Variants in ERC1 observed in about 807,000 individuals in gnomAD.
ERC1 encodes RAB6 interacting protein 2.
A neutral mutation model predicts 132.0 loss-of-function variants in ERC1; 56 were observed. The observed-to-expected ratio is 0.42, with a 90% CI of 0.34 to 0.53. ERC1 has a LOEUF of 0.53. Ranked by LOEUF, ERC1 falls within the 20% of genes least tolerant of loss-of-function variation. The pLI, the probability that ERC1 is intolerant of heterozygous loss-of-function variation, is 0.03. For missense variants in ERC1, 1,202 were observed against 1,349.9 expected, an observed-to-expected ratio of 0.89 and a Z score of 1.72; for synonymous variants, 478 against 476.1, an observed-to-expected ratio of 1.00 and a Z score of -0.05.
intron 12 of ERC1, among the ~76,000 whole-genome samples, chr12:1,196,846 C>G (rs1956305364): frequency 8.0e-6 from 1 of 125,006 alleles, no homozygotes; most frequent in Non-Finnish European, 1.7e-5. Flanking sequence ...GTCTCTCTGT[C>G]TGTCTCTCTC....
At chr12:1,433,372 C>T (rs564864692) in intron 17 of ERC1, among the ~76,000 whole-genome samples, 6 of 152,160 alleles carry the variant, frequency 3.9e-5, no homozygotes, top group East Asian at 1.9e-4. Flanking sequence ...GCTCTATGCA[C>T]GTGTATGTTT....
At chr12:1,354,563 C>T (rs1243000488) in intron 15 of ERC1, among the ~76,000 whole-genome samples, 1 of 151,952 alleles carries the variant, frequency 6.6e-6, no homozygotes, top group African/African-American at 2.4e-5. Context: ...AGTAGAATAT[C>T]TGGCTCTATA....
At chr12:1,115,302 T>G (rs549382691) in intron 6 of ERC1, among the ~76,000 whole-genome samples, 1 of 152,364 alleles carries the variant, frequency 6.6e-6, no homozygotes, top group African/African-American at 2.4e-5. Context: ...CAAAACCATG[T>G]TATGTATAAC....
chr12:1,394,417 A>G (rs1315988550), intron 16 of ERC1, among the ~76,000 whole-genome samples: 1 of 152,188 alleles, frequency 6.6e-6, no homozygotes, highest in Non-Finnish European at 1.5e-5. Context: ...AAAAGAAAAA[A>G]GAAATTTAGT....
chr12:1,268,565 G>C (rs2077614986), intron 14 of ERC1, among the ~76,000 whole-genome samples: 1 of 152,090 alleles, frequency 6.6e-6, no homozygotes, highest in Non-Finnish European at 1.5e-5. Flanking sequence ...ATCCAGATTT[G>C]GGAGGTCTGC....
rs1482245861 is a variant in ERC1 at position 1,027,841 on chromosome 12, G to A, written c.-63G>A. 4.8e-6 allele frequency: 7 copies of A among 1,457,716 alleles called. 1 individual carries two copies. The highest frequency in any genetic ancestry group is 2.8e-5 in the African/African-American group (2 of 70,816). The allele number at this position is 1,457,716 out of a possible 1,614,324, so 90.3% of individuals were successfully genotyped here. On this transcript the variant is annotated 5_prime_UTR_variant, in exon 2 of 19. Coordinates refer to ENST00000360905, the MANE Select transcript of ERC1 (RefSeq NM_178040.4). ...TTGTAGCCATAGAGACACCTCACAAGGTTCCCATTTTTGTTGTTGTTGTTG... is the reference window on the plus strand; with the variant it reads ...TTGTAGCCATAGAGACACCTCACAAAGTTCCCATTTTTGTTGTTGTTGTTG...
At chr12:1,241,740 A>C (rs1299841237) in intron 13 of ERC1, among the ~76,000 whole-genome samples, 1 of 152,078 alleles carries the variant, frequency 6.6e-6, no homozygotes, top group Non-Finnish European at 1.5e-5. Flanking sequence ...TCTTTAAAAA[A>C]ATTTTAAATC....
chr12:1,341,680 AG>A (rs1205820202), intron 15 of ERC1, among the ~76,000 whole-genome samples: 2 of 148,270 alleles, frequency 1.3e-5, no homozygotes, highest in African/African-American at 2.5e-5. Flanking sequence ...GGGTTGGGGG[AG>A]GGATAGCATT....
chr12:1,376,044 C>A (rs2087873647), intron 16 of ERC1, among the ~76,000 whole-genome samples: 1 of 152,010 alleles, frequency 6.6e-6, no homozygotes, highest in East Asian at 1.9e-4. Context: ...CCTGGCTCTA[C>A]TTCTTGGTTG....
At chr12:1,113,742 A>C (rs1946141526) in intron 6 of ERC1, among the ~76,000 whole-genome samples, 1 of 152,244 alleles carries the variant, frequency 6.6e-6, no homozygotes, top group African/African-American at 2.4e-5. Flanking sequence ...TAATTTCTGC[A>C]TTGAGTCAGA....
intron 15 of ERC1, among the ~76,000 whole-genome samples, chr12:1,368,341 CTT>C (rs2086859235): frequency 6.6e-6 from 1 of 152,068 alleles, no homozygotes; most frequent in Non-Finnish European, 1.5e-5. Context: ...TTTTCTGTAT[CTT>C]TCAGTTTTTC....
chr12:1,022,076 T>C (rs1381043384), intron 1 of ERC1, among the ~76,000 whole-genome samples: 1 of 152,224 alleles, frequency 6.6e-6, no homozygotes, highest in Admixed American at 6.5e-5. Context: ...CTGTTTATTT[T>C]AGAGATCCTA....
chr12:1,463,765 G>GT (rs2093688254), intron 18 of ERC1, among the ~76,000 whole-genome samples: 1 of 142,184 alleles, frequency 7.0e-6, no homozygotes, highest in Non-Finnish European at 1.5e-5. Context: ...CTATTGAGTA[G>GT]TTTTCTCCTC....
At chr12:1,313,636 T>C (rs1267563252) in intron 15 of ERC1, among the ~76,000 whole-genome samples, 1 of 152,128 alleles carries the variant, frequency 6.6e-6, no homozygotes, top group Non-Finnish European at 1.5e-5. Context: ...ACCGAAAACA[T>C]TTTGATTTAT....
chr12:1,483,668 C>CTTTTTTTT lies in ERC1; in HGVS notation c.3214-6394_3214-6387dup, dbSNP rs35596394. Among the ~76,000 whole-genome samples, 45 of 55,220 alleles carry CTTTTTTTT rather than the reference C, an allele frequency of 8.1e-4. 14 individuals carry two copies. Among genetic ancestry groups the CTTTTTTTT allele is most frequent in the Non-Finnish European group, 1.4e-3 (39 of 28,118 alleles). The allele number at this position is 55,220 out of a possible 152,430, so 36.2% of individuals were successfully genotyped here. Reference sequence around the variant, plus strand: ...CAAAACTCCTTCCAGCCACTGAGAGCTTTTTTTTTTTTTTTTTTTTTTTTT... The same window carrying CTTTTTTTT: ...CAAAACTCCTTCCAGCCACTGAGAGCTTTTTTTTTTTTTTTTTTTTTTTTTTTTTTTTT... On this transcript the variant is annotated intron_variant, in intron 18 of 18. Coordinates refer to ENST00000360905, the MANE Select transcript of ERC1 (RefSeq NM_178040.4).
chr12:1,102,815 G>A (rs1419209344), intron 3 of ERC1, among the ~76,000 whole-genome samples: 1 of 152,182 alleles, frequency 6.6e-6, no homozygotes, highest in Non-Finnish European at 1.5e-5. Flanking sequence ...AAGGACACAT[G>A]CGTTCTTTTT....
At chr12:1,196,838 C>CTCTCTCTGTCTG (rs1555299913) in intron 12 of ERC1, among the ~76,000 whole-genome samples, 1 of 99,402 alleles carries the variant, frequency 1.0e-5, no homozygotes, top group Non-Finnish European at 2.1e-5. Context: ...CTCTGTCTGT[C>CTCTCTCTGTCTG]TCTCTGTCTG....
chr12:1,153,229 C>T (rs754557718), intron 8 of ERC1, among the ~76,000 whole-genome samples: 1 of 152,246 alleles, frequency 6.6e-6, no homozygotes, highest in Non-Finnish European at 1.5e-5. Flanking sequence ...CTCCTAGCTA[C>T]AGTTAAAGGC....
At position 1,463,278 on chromosome 12, in the gene ERC1, A is replaced by G. The variant is rs116844024; in HGVS notation, c.3213+18528A>G. Among the ~76,000 whole-genome samples, 538 of 152,302 alleles carry G rather than the reference A, an allele frequency of 3.5e-3. 2 individuals are homozygous for G. The highest frequency in any genetic ancestry group is 0.027 in the Middle Eastern group (8 of 294). Reference sequence around the variant, plus strand: ...TCTCCCTCACTCCGGGACCGCATCAATCATCAGTCACAGACATGACAGTTC... The same window carrying G: ...TCTCCCTCACTCCGGGACCGCATCAGTCATCAGTCACAGACATGACAGTTC... On this transcript the variant is annotated intron_variant, in intron 18 of 18. Transcript: ENST00000360905.
Sources: gnomAD v4.1 joint callset for allele counts (sites outside exome capture counted in the v4.1 genomes callset) on GRCh38, gnomAD v4.1.1 for gene constraint, MANE v1.5 for transcripts, NCBI Gene and HGNC (gene_info 2026-07-23, HGNC 2026-07-21) for gene names.